The following EXOC6B variants were observed in gnomAD, a reference collection of about 807,000 sequenced individuals.
EXOC6B encodes the protein exocyst complex component 6B.
A neutral mutation model predicts 113.5 loss-of-function variants in EXOC6B; 54 were observed. That is an observed-to-expected ratio of 0.48 (90% CI 0.38 to 0.60). The LOEUF (loss-of-function observed/expected upper bound fraction) is 0.60, where lower values mean the gene tolerates loss of function less well. EXOC6B is among the 20% of genes least tolerant of loss of function. The pLI, the probability that EXOC6B is intolerant of heterozygous loss-of-function variation, is 0.00. For missense variants in EXOC6B, 797 were observed against 977.5 expected (o/e 0.82, Z 2.46); for synonymous variants, 357 against 339.0 (o/e 1.05, Z -0.58).
At chr2:72,796,924 A>G (rs1684992396) in intron 1 of EXOC6B, among the ~76,000 whole-genome samples, 3 of 152,240 alleles carry the variant, frequency 2.0e-5, no homozygotes, top group Non-Finnish European at 4.4e-5. Flanking sequence ...AAGAGGGAAT[A>G]AGATTGTATT....
At chr2:72,483,711 A>T (rs1699245912) in intron 16 of EXOC6B, among the ~76,000 whole-genome samples, 2 of 152,372 alleles carry the variant, frequency 1.3e-5, no homozygotes, top group African/African-American at 4.8e-5. Flanking sequence ...CCTGAATGAC[A>T]GCTACCAAAA....
intron 18 of EXOC6B, among the ~76,000 whole-genome samples, chr2:72,387,532 G>C (rs1692110369): frequency 6.6e-6 from 1 of 151,976 alleles, no homozygotes. Context: ...TGGGTTTTCT[G>C]TTTATTCTTG....
At chr2:72,479,616 T>C (rs1313284554) in intron 17 of EXOC6B, among the ~76,000 whole-genome samples, 1 of 152,228 alleles carries the variant, frequency 6.6e-6, no homozygotes, top group Non-Finnish European at 1.5e-5. Context: ...AAGTAGCCTA[T>C]ATGTTAGATC....
Position 72,379,753 on chromosome 2 carries a change from T to C in EXOC6B, c.2098A>G (p.Asn700Asp). The change falls in exon 19 of 22, where the codon AAC (asparagine) becomes GAC (aspartate). Residue 700 changes from asparagine to aspartate, a missense_variant. Physicochemically the swap from Asn to Asp is conservative, Grantham distance 23. Coordinates refer to ENST00000272427, the MANE Select transcript of EXOC6B (RefSeq NM_015189.3). Reference sequence around the variant, plus strand: ...CGTTCACATTCTCTGACGTCCAAGTTGAACTGCTGTAATGCTCCCAAGGTG... The same window carrying C: ...CGTTCACATTCTCTGACGTCCAAGTCGAACTGCTGTAATGCTCCCAAGGTG... The part of the protein sequence containing the change: ...QLTLGALQQF[N>D]LDVRECEQFA... The C allele has an allele frequency of 6.2e-7, 1 of 1,612,250 alleles. No homozygotes were observed. Among genetic ancestry groups the C allele is most frequent in the Non-Finnish European group, 8.5e-7 (1 of 1,179,004 alleles).
chr2:72,572,963 T>C (rs1377031846), intron 7 of EXOC6B, among the ~76,000 whole-genome samples: 3 of 152,212 alleles, frequency 2.0e-5, no homozygotes, highest in Admixed American at 6.5e-5. Context: ...ATTTGAGATA[T>C]GGAACCATTT....
chr2:72,211,673 T>C (rs1680199042), intron 20 of EXOC6B, among the ~76,000 whole-genome samples: 1 of 152,238 alleles, frequency 6.6e-6, no homozygotes, highest in Non-Finnish European at 1.5e-5. Context: ...GAATGATTTT[T>C]AACATACATC....
At chr2:72,810,384 TAA>T (rs1553488624) in intron 1 of EXOC6B, among the ~76,000 whole-genome samples, 9 of 127,746 alleles carry the variant, frequency 7.0e-5, no homozygotes, top group Non-Finnish European at 8.6e-5. Flanking sequence ...AATAAATAAA[TAA>T]AATACAGTGA....
chr2:72,445,446 C>T (rs949651434), intron 18 of EXOC6B, among the ~76,000 whole-genome samples: 5 of 152,114 alleles, frequency 3.3e-5, no homozygotes, highest in Admixed American at 1.3e-4. Context: ...CCCCACTCTA[C>T]TGGTACAAAT....
At chr2:72,207,171 C>G (rs1029521798) in intron 20 of EXOC6B, among the ~76,000 whole-genome samples, 2 of 152,184 alleles carry the variant, frequency 1.3e-5, no homozygotes, top group Non-Finnish European at 2.9e-5. Context: ...CAGCTATATA[C>G]CGTACTAACT....
chr2:72,550,977 G>A (rs1314315980), intron 8 of EXOC6B, among the ~76,000 whole-genome samples: 1 of 146,978 alleles, frequency 6.8e-6, no homozygotes, highest in African/African-American at 2.5e-5. Flanking sequence ...GAAGTGCAAT[G>A]GCGCGATCTT....
intron 1 of EXOC6B, among the ~76,000 whole-genome samples, chr2:72,783,198 T>G (rs991886647): frequency 1.3e-4 from 20 of 151,648 alleles, no homozygotes; most frequent in Non-Finnish European, 2.7e-4. Flanking sequence ...TTTTTTTTTT[T>G]GTCTTTTTAA....
intron 20 of EXOC6B, among the ~76,000 whole-genome samples, chr2:72,324,682 C>T (rs1289986060): frequency 6.6e-6 from 1 of 152,026 alleles, no homozygotes; most frequent in Non-Finnish European, 1.5e-5. Context: ...AATAATTTGC[C>T]AAATGTCACA....
chr2:72,216,437 C>T (rs892290502), intron 20 of EXOC6B, among the ~76,000 whole-genome samples: 1 of 152,182 alleles, frequency 6.6e-6, no homozygotes, highest in Non-Finnish European at 1.5e-5. Flanking sequence ...AATAGGAATG[C>T]TTTTACACTG....
At chr2:72,581,835 G>A (rs1256473222) in intron 6 of EXOC6B, among the ~76,000 whole-genome samples, 1 of 152,170 alleles carries the variant, frequency 6.6e-6, no homozygotes, top group Non-Finnish European at 1.5e-5. Flanking sequence ...AGGTGGGCCT[G>A]CTGGGTCTGA....
At chr2:72,540,849 A>C (rs1238372150) in intron 8 of EXOC6B, among the ~76,000 whole-genome samples, 1 of 152,218 alleles carries the variant, frequency 6.6e-6, no homozygotes, top group Non-Finnish European at 1.5e-5. Flanking sequence ...AATGGCCTAA[A>C]ATATTTACTA....
chr2:72,610,346 C>A (rs1648183049), intron 6 of EXOC6B, among the ~76,000 whole-genome samples: 2 of 152,200 alleles, frequency 1.3e-5, no homozygotes, highest in South Asian at 4.1e-4. Context: ...ACCAATCTAA[C>A]AGAAGCAGTG....
chr2:72,197,083 A>T (rs1679219308), intron 20 of EXOC6B, among the ~76,000 whole-genome samples: 2 of 152,220 alleles, frequency 1.3e-5, no homozygotes, highest in Admixed American at 6.5e-5. Flanking sequence ...GAGCAGAAAT[A>T]GGAGTAGCTG....
At chr2:72,397,709 ATAC>A (rs1692837359) in intron 18 of EXOC6B, among the ~76,000 whole-genome samples, 1 of 151,480 alleles carries the variant, frequency 6.6e-6, no homozygotes, top group Non-Finnish European at 1.5e-5. Flanking sequence ...TGGTTATCTG[ATAC>A]TACTGACACC....
At chr2:72,547,525 G>A (rs550705899) in intron 8 of EXOC6B, among the ~76,000 whole-genome samples, 1 of 152,214 alleles carries the variant, frequency 6.6e-6, no homozygotes, top group South Asian at 2.1e-4. Context: ...CACAAACTAA[G>A]CTTATGGATA....
Sources: gnomAD v4.1 joint callset for allele counts (sites outside exome capture counted in the v4.1 genomes callset) on GRCh38, gnomAD v4.1.1 for gene constraint, MANE v1.5 for transcripts, NCBI Gene and HGNC (gene_info 2026-07-23, HGNC 2026-07-21) for gene names.